The following PCDHA2 variants were observed in gnomAD, a reference collection of about 807,000 sequenced individuals.
PCDHA2 encodes protocadherin alpha 2.
PCDHA2 carries 58 observed loss-of-function variants against 66.0 expected under a neutral mutation model. The ratio of observed to expected loss-of-function variants is 0.88; its 90% CI spans 0.71 to 1.09. The LOEUF (loss-of-function observed/expected upper bound fraction) is 1.09, where lower values mean the gene tolerates loss of function less well. Among genes scored for constraint, PCDHA2 ranks in the 50% least tolerant of loss-of-function variants. The pLI is 0.00. For missense variants in PCDHA2, 1,267 were observed against 1,242.3 expected (o/e 1.02, Z -0.30); for synonymous variants, 634 against 554.0 (o/e 1.14, Z -2.03).
chr5:140,854,753 A>G (rs1305589005), intron 1 of PCDHA2: 1 of 149,806 alleles, frequency 6.7e-6, no homozygotes, highest in Non-Finnish European at 1.5e-5. Context: ...GATATATTAC[A>G]TTTTCATTCC....
At chr5:140,805,407 T>C (rs1343800816) in intron 1 of PCDHA2, 2 of 1,077,090 alleles carry the variant, frequency 1.9e-6, no homozygotes, top group Non-Finnish European at 1.1e-6. Flanking sequence ...ATTCAGAAAT[T>C]TGGTGGGTTT....
At chr5:140,797,541 CTG>C in intron 1 of PCDHA2, 189 bp downstream of exon 1, 1 of 754,938 alleles carries the variant, frequency 1.3e-6, no homozygotes. Context: ...ATCTACATAA[CTG>C]TTTTCTTATT....
At chr5:140,835,695 A>G (rs2150242144) in intron 1 of PCDHA2, 2 of 1,613,712 alleles carry the variant, frequency 1.2e-6, no homozygotes, top group South Asian at 2.2e-5. Context: ...TCTGTGGGCC[A>G]CTGCTAGCGT....
At chr5:140,888,703 G>C (rs547593291) in intron 1 of PCDHA2, among the ~76,000 whole-genome samples, 1 of 152,180 alleles carries the variant, frequency 6.6e-6, no homozygotes, top group Admixed American at 6.5e-5. Context: ...TGATTGGTAG[G>C]AATGTGAAAT....
chr5:140,969,198 C>T lies in PCDHA2; in HGVS notation c.2389-9751C>T, dbSNP rs2096305688. ...AGTGACACTTTCATGTTTTACAATA[C>T]AGGGGCCCAGACAGGACCAGGGCCT... On this transcript the variant is annotated intron_variant, in intron 1 of 3. Coordinates refer to ENST00000526136, the MANE Select transcript of PCDHA2 (RefSeq NM_018905.3). 1 of 1,614,166 alleles carries T rather than the reference C, an allele frequency of 6.2e-7. No individual in the cohort carries two copies. Among genetic ancestry groups the T allele is most frequent in the Non-Finnish European group, 8.5e-7 (1 of 1,180,032 alleles).
At position 140,795,982 on chromosome 5, in the gene PCDHA2, C is replaced by T. The variant is rs782060780; in HGVS notation, c.1018C>T (p.Leu340Phe). Residue 340 changes from leucine to phenylalanine, a missense_variant, in exon 1 of 4, where the codon CTT (leucine) becomes TTT (phenylalanine). Coordinates refer to ENST00000526136, the MANE Select transcript of PCDHA2 (RefSeq NM_018905.3). Reference sequence around the variant, plus strand: ...AGGACATTGTAAAATTTCATTAAAACTTGTGGACATCAATGATAACACACC... The same window carrying T: ...AGGACATTGTAAAATTTCATTAAAATTTGTGGACATCAATGATAACACACC... ...MSGHCKISLK[L>F]VDINDNTPEV... 8.7e-6 allele frequency: 14 copies of T among 1,614,012 alleles called. 1 individual carries two copies. Among genetic ancestry groups the T allele is most frequent in the Non-Finnish European group, 1.7e-6 (2 of 1,180,022 alleles).
intron 1 of PCDHA2, among the ~76,000 whole-genome samples, chr5:140,949,796 C>G (rs1471707326): frequency 6.6e-6 from 1 of 151,864 alleles, no homozygotes; most frequent in Non-Finnish European, 1.5e-5. Context: ...TTGTGTCCTT[C>G]AATACATTAT....
rs1210767626 is a variant in PCDHA2 at position 141,010,197 on chromosome 5, C to G, written c.*260C>G. 83 of 1,552,082 alleles carry G rather than the reference C, an allele frequency of 5.3e-5. No homozygotes were observed. Among genetic ancestry groups the G allele is most frequent in the Non-Finnish European group, 6.6e-5 (76 of 1,147,118 alleles). On this transcript the variant is annotated 3_prime_UTR_variant, in exon 4 of 4. Coordinates refer to ENST00000526136, the MANE Select transcript of PCDHA2 (RefSeq NM_018905.3). ...AAAAGCAGACCCAAGTTTCCTTTCT[C>G]CTCCGCCGCAAAGGAGAGGCTTCCC...
chr5:140,857,909 T>C (rs1554150840), intron 1 of PCDHA2: 1 of 1,597,744 alleles, frequency 6.3e-7, no homozygotes, highest in Non-Finnish European at 8.6e-7. Flanking sequence ...ACGCATCCCG[T>C]TTCGCGTGGG....
chr5:140,872,231 T>A (rs1050025307), intron 1 of PCDHA2, among the ~76,000 whole-genome samples: 2 of 152,228 alleles, frequency 1.3e-5, no homozygotes, highest in Non-Finnish European at 2.9e-5. Context: ...TCTTTACTTT[T>A]GTCTTTATTC....
intron 1 of PCDHA2, chr5:140,875,267 C>A: frequency 1.7e-6 from 2 of 1,211,108 alleles, no homozygotes; most frequent in Non-Finnish European, 2.2e-6. Context: ...TGTCGCTCTA[C>A]ACTCAGAAGG....
chr5:140,959,835 C>T (rs1554224346), intron 1 of PCDHA2, among the ~76,000 whole-genome samples: 2 of 152,042 alleles, frequency 1.3e-5, no homozygotes, highest in East Asian at 1.9e-4. Flanking sequence ...ATGTATTATG[C>T]CTGTAACTGC....
chr5:140,897,255 C>A (rs890766563), intron 1 of PCDHA2, among the ~76,000 whole-genome samples: 2 of 151,828 alleles, frequency 1.3e-5, no homozygotes, highest in Admixed American at 1.3e-4. Flanking sequence ...CATATGTATA[C>A]ATGTGCCATG....
chr5:140,828,565 C>T (rs2150156833), intron 1 of PCDHA2: 65 of 1,614,050 alleles, frequency 4.0e-5, no homozygotes, highest in Admixed American at 6.7e-5. Context: ...AGGGCGCGTC[C>T]GATGCAGATG....
intron 1 of PCDHA2, among the ~76,000 whole-genome samples, chr5:140,954,268 A>C (rs1381458746): frequency 2.0e-5 from 3 of 152,224 alleles, no homozygotes; most frequent in African/African-American, 7.2e-5. Flanking sequence ...TCTTTATAAT[A>C]GGATGATTTA....
chr5:140,968,876 A>G (rs782240993), intron 1 of PCDHA2: 51 of 1,614,112 alleles, frequency 3.2e-5, no homozygotes, highest in Non-Finnish European at 4.1e-5. Context: ...ATACTCTGAA[A>G]TTACCCTTTA....
At chr5:140,959,269 C>A (rs1334380683) in intron 1 of PCDHA2, among the ~76,000 whole-genome samples, 1 of 151,924 alleles carries the variant, frequency 6.6e-6, no homozygotes, top group Non-Finnish European at 1.5e-5. Flanking sequence ...CCCAGCTACC[C>A]AGGAGCCTGA....
intron 1 of PCDHA2, chr5:140,875,473 A>G (rs782269579): frequency 6.2e-6 from 10 of 1,606,342 alleles, no homozygotes; most frequent in Non-Finnish European, 8.5e-6. Flanking sequence ...ATTTTCTGCA[A>G]TGGTGATTAT....
chr5:140,896,738 T>C (rs2065731964), intron 1 of PCDHA2, among the ~76,000 whole-genome samples: 2 of 152,180 alleles, frequency 1.3e-5, no homozygotes, highest in African/African-American at 4.8e-5. Context: ...AAGTTCCTTA[T>C]AGATTCTGGA....
Sources: allele counts gnomAD v4.1 joint callset (sites outside exome capture counted in the v4.1 genomes callset), GRCh38; gene constraint gnomAD v4.1.1; transcripts MANE v1.5; gene names NCBI Gene and HGNC (gene_info 2026-07-23, HGNC 2026-07-21).